The following PTGR1 variants were observed in gnomAD, a reference collection of about 807,000 sequenced individuals.
PTGR1 encodes the protein 15-oxoprostaglandin 13-reductase.
Under a neutral mutation model 37.7 loss-of-function variants are expected in PTGR1, and 23 were observed. The observed-to-expected ratio is 0.61, with a 90% CI of 0.44 to 0.86. The LOEUF (loss-of-function observed/expected upper bound fraction) is 0.86. PTGR1 is among the 40% of genes least tolerant of loss of function. The pLI is 0.00. For missense variants in PTGR1, 351 were observed against 394.3 expected (o/e 0.89, Z 0.93); for synonymous variants, 134 against 140.0 (o/e 0.96, Z 0.30).
chr9:111,590,702 G>A (rs1179124090), intron 4 of PTGR1, among the ~76,000 whole-genome samples: 1 of 152,086 alleles, frequency 6.6e-6, no homozygotes, highest in Non-Finnish European at 1.5e-5. Context: ...CACCTTTTCA[G>A]TTAAAAATAT....
At chr9:111,564,230 T>G in intron 9 of PTGR1, 5 of 1,076,274 alleles carry the variant, frequency 4.6e-6, no homozygotes, top group Non-Finnish European at 5.8e-6. Flanking sequence ...CAAGATTATT[T>G]GCTTGAAGTC....
Position 111,576,461 on chromosome 9 carries a change from G to A in PTGR1, c.652-1619C>T, listed in dbSNP as rs780749296. ...TTCAACTGTTACACAGAGATGACCAGAGGATGGGGCCACTGCAGTGCAGTT... is the reference window on the plus strand; with the variant it reads ...TTCAACTGTTACACAGAGATGACCAAAGGATGGGGCCACTGCAGTGCAGTT... On this transcript the variant is annotated intron_variant, in intron 7 of 9. Transcript: ENST00000407693. The A allele has an allele frequency of 8.7e-6, 14 of 1,613,162 alleles. No homozygotes were observed. The East Asian group carries it at 2.7e-4, about 31-fold the overall frequency.
chr9:111,554,620 G>A (rs549678247), intron 9 of PTGR1, among the ~76,000 whole-genome samples: 2 of 152,334 alleles, frequency 1.3e-5, no homozygotes, highest in South Asian at 2.1e-4. Context: ...GACAGGTAGT[G>A]TAGATGACAT....
At chr9:111,571,703 C>G (rs980477005) in intron 8 of PTGR1, among the ~76,000 whole-genome samples, 1 of 152,058 alleles carries the variant, frequency 6.6e-6, no homozygotes, top group Admixed American at 6.6e-5. Context: ...GAGATGAGGT[C>G]TTACTCTATT....
chr9:111,561,084 AATAT>A (rs368827456), downstream of PTGR1, among the ~76,000 whole-genome samples: 393 of 20,302 alleles, frequency 0.019, 25 homozygotes, highest in Middle Eastern at 0.062. Context: ...CTCCATCTAA[AATAT>A]ATATATATAT....
chr9:111,594,160 G>T, intron 3 of PTGR1, 62 bp downstream of exon 3: 2 of 1,458,790 alleles, frequency 1.4e-6, no homozygotes, highest in Non-Finnish European at 9.6e-7. Context: ...TTTAGAAGAT[G>T]AACTACTTCC....
chr9:111,588,360 G>A (rs1248519019), intron 4 of PTGR1, among the ~76,000 whole-genome samples: 3 of 151,134 alleles, frequency 2.0e-5, no homozygotes, highest in Non-Finnish European at 4.4e-5. Flanking sequence ...CACCAAACCC[G>A]GGTAATTTTT....
chr9:111,597,821 C>T (rs1431717669), intron 1 of PTGR1, among the ~76,000 whole-genome samples: 2 of 152,160 alleles, frequency 1.3e-5, no homozygotes, highest in Non-Finnish European at 2.9e-5. Context: ...TATTCCATTC[C>T]GTTTCTCATC....
chr9:111,588,013 T>C (rs1188127113), intron 4 of PTGR1, among the ~76,000 whole-genome samples: 1 of 145,170 alleles, frequency 6.9e-6, no homozygotes, highest in Non-Finnish European at 1.5e-5. Context: ...GATTATTATT[T>C]TTTCTTTTTT....
intron 4 of PTGR1, among the ~76,000 whole-genome samples, chr9:111,591,370 C>CTT (rs756079285): frequency 3.4e-4 from 42 of 122,066 alleles, no homozygotes; most frequent in African/African-American, 4.0e-4. Context: ...TTTTCTTTTT[C>CTT]TTTTTTTTTT....
At chr9:111,552,451 GGGA>G in intron 9 of PTGR1, among the ~76,000 whole-genome samples, 1 of 152,108 alleles carries the variant, frequency 6.6e-6, no homozygotes, top group East Asian at 1.9e-4. Flanking sequence ...AGAGCAATGA[GGGA>G]AAAGTTATCC....
intron 7 of PTGR1, chr9:111,577,560 T>C (rs900875990): frequency 6.6e-6 from 1 of 152,152 alleles, no homozygotes; most frequent in Admixed American, 6.6e-5. Flanking sequence ...CTAATACCCA[T>C]CAGGCTGGGT....
chr9:111,561,110 T>TATATATATATATATATAG (rs1457364862), downstream of PTGR1, among the ~76,000 whole-genome samples: 1 of 19,198 alleles, frequency 5.2e-5, no homozygotes, highest in African/African-American at 3.9e-4. Context: ...TATATATATA[T>TATATATATATATATATAG]AGAGAGAGAG....
At chr9:111,576,363 A>G in intron 7 of PTGR1, 2 of 1,614,120 alleles carry the variant, frequency 1.2e-6, no homozygotes, top group Non-Finnish European at 1.7e-6. Flanking sequence ...GGTCACTTGC[A>G]GACATACATG....
intron 7 of PTGR1, chr9:111,577,196 C>T (rs557472409): frequency 6.6e-6 from 1 of 152,064 alleles, no homozygotes; most frequent in Non-Finnish European, 1.5e-5. Flanking sequence ...CAAATACATA[C>T]GTTGAAAGAT....
At chr9:111,568,012 T>C (rs1235091623) in intron 9 of PTGR1, among the ~76,000 whole-genome samples, 1 of 152,236 alleles carries the variant, frequency 6.6e-6, no homozygotes, top group Non-Finnish European at 1.5e-5. Context: ...ACTGTGATAA[T>C]TGTGTTAACT....
At chr9:111,578,724 C>T (rs1829166435) in intron 7 of PTGR1, 72 bp downstream of exon 7, 4 of 1,378,562 alleles carry the variant, frequency 2.9e-6, no homozygotes, top group Admixed American at 2.5e-5. Context: ...ATCCATGGCC[C>T]AGGGGTAGGA....
At chr9:111,555,266 A>G (rs1828087757) in intron 9 of PTGR1, among the ~76,000 whole-genome samples, 1 of 152,200 alleles carries the variant, frequency 6.6e-6, no homozygotes, top group Admixed American at 6.5e-5. Flanking sequence ...TGAATTGATA[A>G]TCACCTGGCA....
chr9:111,586,106 C>T lies in PTGR1; in HGVS notation c.269G>A (p.Gly90Asp). ...PKGTIVLASP[G>D]WTTHSISDGK... The stretch of plus-strand genomic sequence containing the variant: ...ATCAGAAATGGAGTGCGTTGTCCAG[C>T]CTGGAGAAGCCAGTACAATAGTTCC... Residue 90 changes from glycine (G) to aspartate (D), a missense_variant, in exon 5 of 10, where the codon GGC becomes GAC. Gly to Asp is a moderately conservative substitution (Grantham distance 94). Transcript: ENST00000407693. 6.2e-7 allele frequency: 1 copy of T among 1,614,186 alleles called. No individual in the cohort carries two copies. Among genetic ancestry groups the T allele is most frequent in the Non-Finnish European group, 8.5e-7 (1 of 1,180,030 alleles).
Sources: allele counts gnomAD v4.1 joint callset (sites outside exome capture counted in the v4.1 genomes callset), GRCh38; gene constraint gnomAD v4.1.1; transcripts MANE v1.5; gene names NCBI Gene and HGNC (gene_info 2026-07-23, HGNC 2026-07-21).